Variants in NRXN1 observed in about 807,000 individuals in gnomAD.
The protein encoded by NRXN1 is neurexin 1.
NRXN1 carries 39 observed loss-of-function variants against 150.9 expected under a neutral mutation model. The ratio of observed to expected loss-of-function variants is 0.26; its 90% CI spans 0.20 to 0.34. The LOEUF is 0.34. Among genes scored for constraint, NRXN1 ranks in the 10% least tolerant of loss-of-function variants. NRXN1 has a pLI of 1.00. For synonymous variants in NRXN1, 924 were observed against 757.0 expected (o/e 1.22, Z -3.62); for missense variants, 1,815 against 1,949.9 (o/e 0.93, Z 1.30).
chr2:50,487,621 T>A (rs1430354276), intron 15 of NRXN1, among the ~76,000 whole-genome samples: 1 of 152,204 alleles, frequency 6.6e-6, no homozygotes, highest in Non-Finnish European at 1.5e-5. Context: ...TCAAGTCTAT[T>A]TCCATGTTGA....
intron 2 of NRXN1, among the ~76,000 whole-genome samples, chr2:50,952,963 A>G (rs1432241584): frequency 6.6e-6 from 1 of 152,172 alleles, no homozygotes; most frequent in Non-Finnish European, 1.5e-5. Context: ...TGTCCCCAGT[A>G]AAGTGGTGTA....
intron 21 of NRXN1, among the ~76,000 whole-genome samples, chr2:50,050,172 T>TTTTG: frequency 6.6e-6 from 1 of 151,366 alleles, no homozygotes; most frequent in Admixed American, 6.6e-5. Flanking sequence ...TTTTTTTTTT[T>TTTTG]TACTTTTAAA....
intron 5 of NRXN1, among the ~76,000 whole-genome samples, chr2:50,879,837 TAATGCTACAGAAAGTAGCA>T (rs1679167558): frequency 6.6e-6 from 1 of 151,964 alleles, no homozygotes; most frequent in African/African-American, 2.4e-5. Flanking sequence ...GTTATGGTCG[TAATGCTACAGAAAGTAGCA>T]TTAAAAGGAG....
intron 5 of NRXN1, among the ~76,000 whole-genome samples, chr2:50,750,970 T>C (rs556653855): frequency 1.2e-3 from 183 of 152,022 alleles, no homozygotes; most frequent in Non-Finnish European, 2.3e-3. Context: ...TAGGTAGCTA[T>C]GCAATAAGAA....
chr2:50,070,361 T>G (rs1696063093), intron 19 of NRXN1, among the ~76,000 whole-genome samples: 1 of 152,314 alleles, frequency 6.6e-6, no homozygotes. Flanking sequence ...AAACCTTTTC[T>G]TGGATTGCTG....
Position 50,620,122 on chromosome 2 carries a change from A to G in NRXN1, c.1220T>C (p.Met407Thr). 6.2e-7 allele frequency: 1 copy of G among 1,613,576 alleles called. No homozygotes were observed. Among genetic ancestry groups the G allele is most frequent in the Non-Finnish European group, 8.5e-7 (1 of 1,179,674 alleles). ...TTGYTQEDYTMLGSDDFFYVG... is the reference protein window; with the variant it reads ...TTGYTQEDYTTLGSDDFFYVG... ...ATAGAAAAAGTCATCAGACCCCAGCATGGTATAATCTTCTTGCGTGTAGCC... is the reference window on the plus strand; with the variant it reads ...ATAGAAAAAGTCATCAGACCCCAGCGTGGTATAATCTTCTTGCGTGTAGCC... The change falls in exon 8 of 23, where the codon ATG (methionine) becomes ACG (threonine). Residue 407 changes from methionine (M) to threonine (T), a missense_variant. Physicochemically the swap from Met to Thr is moderately conservative, Grantham distance 81. Transcript: ENST00000401669.
chr2:49,986,260 A>C (rs1680893290), intron 21 of NRXN1, among the ~76,000 whole-genome samples: 1 of 152,184 alleles, frequency 6.6e-6, no homozygotes, highest in Non-Finnish European at 1.5e-5. Flanking sequence ...AATAATTGAA[A>C]ACTCCAAAGA....
At chr2:50,303,280 A>C (rs1558487788) in intron 17 of NRXN1, among the ~76,000 whole-genome samples, 1 of 152,174 alleles carries the variant, frequency 6.6e-6, no homozygotes, top group African/African-American at 2.4e-5. Flanking sequence ...TTGGATACAT[A>C]CCTCACAGGA....
intron 8 of NRXN1, among the ~76,000 whole-genome samples, chr2:50,558,508 T>A (rs1668568559): frequency 6.6e-6 from 1 of 152,162 alleles, no homozygotes; most frequent in Non-Finnish European, 1.5e-5. Context: ...TCTAAGTGAA[T>A]CAAATGTCAC....
At chr2:50,315,736 A>G (rs1485594319) in intron 17 of NRXN1, among the ~76,000 whole-genome samples, 1 of 152,150 alleles carries the variant, frequency 6.6e-6, no homozygotes, top group East Asian at 1.9e-4. Flanking sequence ...AGCTTATTAA[A>G]AGGCACATTA....
chr2:50,025,026 G>T (rs535790534), intron 21 of NRXN1, among the ~76,000 whole-genome samples: 45 of 152,132 alleles, frequency 3.0e-4, no homozygotes, highest in Non-Finnish European at 5.7e-4. Context: ...TGTTCACTCA[G>T]CCTATATATC....
intron 5 of NRXN1, among the ~76,000 whole-genome samples, chr2:50,889,958 A>G (rs780918065): frequency 1.3e-5 from 2 of 151,742 alleles, no homozygotes; most frequent in Non-Finnish European, 3.0e-5. Context: ...ACATATCTTT[A>G]AAATAAATCT....
rs191348474 is a variant in NRXN1, at chr2:50,621,167, G to A, written c.1158+59C>T. ...TTAAAAGAAAGAAAGAAAACACACGGCAAACCCAAAATAAGAAACAATTAG... is the reference window on the plus strand; with the variant it reads ...TTAAAAGAAAGAAAGAAAACACACGACAAACCCAAAATAAGAAACAATTAG... On this transcript the variant is annotated intron_variant, in intron 7 of 22. Transcript: ENST00000401669. 2.8e-5 allele frequency: 42 copies of A among 1,473,954 alleles called. No individual in the cohort carries two copies. The Admixed American group carries it at 3.2e-4, about 11-fold the overall frequency. 91.3% of individuals were successfully genotyped at this position (1,473,954 alleles called of 1,614,324 possible).
chr2:50,664,396 CGTGTGTGTGTGTGTGTGTGTGTGTGT>C (rs35702112), intron 5 of NRXN1, among the ~76,000 whole-genome samples: 1 of 108,038 alleles, frequency 9.3e-6, no homozygotes, highest in East Asian at 3.1e-4. Context: ...AAGTTTAAAG[CGTGTGTGTGTGTGTGTGTGTGTGTGT>C]GTGTGTGTGT....
At chr2:50,825,233 T>C (rs971256927) in intron 5 of NRXN1, among the ~76,000 whole-genome samples, 3 of 152,200 alleles carry the variant, frequency 2.0e-5, no homozygotes, top group African/African-American at 7.2e-5. Context: ...ACATTTGGTC[T>C]TCACTCCCTT....
At chr2:51,026,380 G>C in intron 2 of NRXN1, 2 of 1,588,612 alleles carry the variant, frequency 1.3e-6, no homozygotes, top group Non-Finnish European at 1.7e-6. Flanking sequence ...CTTTCTGTTA[G>C]AGGCTTTGCT....
intron 17 of NRXN1, among the ~76,000 whole-genome samples, chr2:50,294,457 T>C (rs2073324435): frequency 6.6e-6 from 1 of 152,236 alleles, no homozygotes; most frequent in African/African-American, 2.4e-5. Flanking sequence ...TAGTAATTTA[T>C]TCATTTATGT....
chr2:50,116,287 A>G lies in NRXN1; in HGVS notation c.3547-24793T>C, dbSNP rs139668167. On this transcript the variant is annotated intron_variant, in intron 18 of 22. Transcript: ENST00000401669. ...CTTTGGGAAGCTGGGAAAACTCACTAAAGTTAAAGTTATTATCTGAACCTC... is the reference window on the plus strand; with the variant it reads ...CTTTGGGAAGCTGGGAAAACTCACTGAAGTTAAAGTTATTATCTGAACCTC... Among the ~76,000 whole-genome samples, 46 of 152,194 alleles carry G rather than the reference A, an allele frequency of 3.0e-4. 1 individual carries two copies. Among genetic ancestry groups the G allele is most frequent in the African/African-American group, 1.1e-3 (46 of 41,542 alleles).
chr2:50,255,486 C>A (rs915805929), intron 17 of NRXN1, among the ~76,000 whole-genome samples: 1 of 152,104 alleles, frequency 6.6e-6, no homozygotes, highest in Non-Finnish European at 1.5e-5. Context: ...TCAAAAAATT[C>A]TATCTTTCTA....
Sources: allele counts gnomAD v4.1 joint callset (sites outside exome capture counted in the v4.1 genomes callset), GRCh38; gene constraint gnomAD v4.1.1; transcripts MANE v1.5; gene names NCBI Gene and HGNC (gene_info 2026-07-23, HGNC 2026-07-21).